The following PIP4K2A variants were observed in gnomAD, a reference collection of about 807,000 sequenced individuals.
PIP4K2A encodes phosphatidylinositol-5-phosphate 4-kinase type 2 alpha, also known as phosphatidylinositol 5-phosphate 4-kinase type-2 alpha.
PIP4K2A carries 14 observed loss-of-function variants against 42.9 expected under a neutral mutation model. That is an observed-to-expected ratio of 0.33 (90% CI 0.22 to 0.51). The LOEUF (loss-of-function observed/expected upper bound fraction) is 0.51. Ranked by LOEUF, PIP4K2A falls within the 20% of genes least tolerant of loss-of-function variation. PIP4K2A has a pLI of 0.97. For synonymous variants in PIP4K2A, 192 were observed against 192.2 expected, an observed-to-expected ratio of 1.00 and a Z score of 0.01; for missense variants, 434 against 519.8, an observed-to-expected ratio of 0.83 and a Z score of 1.61.
At chr10:22,620,231 T>C (rs1838293220) in intron 1 of PIP4K2A, among the ~76,000 whole-genome samples, 1 of 152,258 alleles carries the variant, frequency 6.6e-6, no homozygotes, top group Admixed American at 6.5e-5. Context: ...AATGTAGTCA[T>C]GTTAAAATTC....
At chr10:22,613,833 G>A (rs986151037) in intron 1 of PIP4K2A, among the ~76,000 whole-genome samples, 1 of 152,180 alleles carries the variant, frequency 6.6e-6, no homozygotes, top group African/African-American at 2.4e-5. Context: ...AGGATGGAGG[G>A]TGTTTGCTGG....
At chr10:22,538,139 C>T (rs532024222) in intron 9 of PIP4K2A, among the ~76,000 whole-genome samples, 6 of 152,326 alleles carry the variant, frequency 3.9e-5, no homozygotes, top group East Asian at 1.9e-4. Flanking sequence ...CCATGTTCAC[C>T]GGGGAACTTG....
At chr10:22,647,656 G>A (rs1379271674) in intron 1 of PIP4K2A, among the ~76,000 whole-genome samples, 1 of 152,192 alleles carries the variant, frequency 6.6e-6, no homozygotes, top group Admixed American at 6.5e-5. Context: ...CTCCCAATCA[G>A]CTATCACATC....
chr10:22,662,620 T>A (rs1338267869), intron 1 of PIP4K2A, among the ~76,000 whole-genome samples: 6 of 152,248 alleles, frequency 3.9e-5, no homozygotes, highest in African/African-American at 1.4e-4. Context: ...GCTTAAAAGC[T>A]TATTTGCTGA....
rs578187219 is a variant in PIP4K2A, at chr10:22,544,958, C to T, written c.793-2911G>A. Among the ~76,000 whole-genome samples, 9 of 152,320 alleles carry T rather than the reference C, an allele frequency of 5.9e-5. No individual in the cohort carries two copies. In the South Asian group the frequency reaches 6.2e-4, roughly 11 times the overall value. On this transcript the variant is annotated intron_variant, in intron 7 of 9. Transcript: ENST00000376573. ...CACCGCACACTCCTCCCCAGTGACACGGGGCCTCGCTGCACATTCATTTTG... is the reference window on the plus strand; with the variant it reads ...CACCGCACACTCCTCCCCAGTGACATGGGGCCTCGCTGCACATTCATTTTG...
intron 1 of PIP4K2A, among the ~76,000 whole-genome samples, chr10:22,635,438 A>G (rs906641895): frequency 6.6e-6 from 1 of 152,196 alleles, no homozygotes; most frequent in Non-Finnish European, 1.5e-5. Flanking sequence ...TTTTAAATAA[A>G]AAGAAAAGTT....
At chr10:22,545,212 A>G (rs1167667032) in intron 7 of PIP4K2A, among the ~76,000 whole-genome samples, 1 of 152,248 alleles carries the variant, frequency 6.6e-6, no homozygotes, top group Non-Finnish European at 1.5e-5. Flanking sequence ...ACCAAAGCCA[A>G]ATACAAACAA....
chr10:22,676,457 A>G (rs1839561220), intron 1 of PIP4K2A, among the ~76,000 whole-genome samples: 1 of 152,126 alleles, frequency 6.6e-6, no homozygotes. Flanking sequence ...GCTTGAAGAA[A>G]ATAGCATTTA....
intron 7 of PIP4K2A, among the ~76,000 whole-genome samples, chr10:22,546,987 G>GA (rs1344646299): frequency 6.6e-6 from 1 of 152,108 alleles, no homozygotes; most frequent in African/African-American, 2.4e-5. Context: ...CCACCTGCTG[G>GA]ACCTCACATC....
At chr10:22,645,618 T>C (rs1838863911) in intron 1 of PIP4K2A, among the ~76,000 whole-genome samples, 1 of 148,140 alleles carries the variant, frequency 6.8e-6, no homozygotes, top group East Asian at 2.0e-4. Flanking sequence ...TGAAAACAAG[T>C]AGAATACTGT....
chr10:22,558,117 T>C (rs948360767), intron 6 of PIP4K2A, among the ~76,000 whole-genome samples: 3 of 152,238 alleles, frequency 2.0e-5, no homozygotes, highest in Admixed American at 6.5e-5. Flanking sequence ...GGGTGTCCTT[T>C]TGATACGCTG....
rs150043461 is a variant in PIP4K2A at position 22,710,383 on chromosome 10, A to G, written c.144+3800T>C. ...AACAGGCAAGCGCTGCCATGTTTTT[A>G]TAACTGCTTAGTCCAAGGGACGGCC... On this transcript the variant is annotated intron_variant, in intron 1 of 9. Coordinates refer to ENST00000376573, the MANE Select transcript of PIP4K2A (RefSeq NM_005028.5). Among the ~76,000 whole-genome samples, 498 of 152,368 alleles carry G rather than the reference A, an allele frequency of 3.3e-3. 2 individuals are homozygous for G. The highest frequency in any genetic ancestry group is 0.011 in the African/African-American group (473 of 41,588).
intron 7 of PIP4K2A, among the ~76,000 whole-genome samples, chr10:22,548,832 G>T (rs1478352946): frequency 1.3e-5 from 2 of 151,952 alleles, no homozygotes; most frequent in Non-Finnish European, 2.9e-5. Flanking sequence ...GATTGCTTGA[G>T]GCCAGGAGTT....
chr10:22,556,477 A>T (rs1013502202), intron 6 of PIP4K2A, among the ~76,000 whole-genome samples: 1 of 152,218 alleles, frequency 6.6e-6, no homozygotes, highest in African/African-American at 2.4e-5. Context: ...GTAATAAAGA[A>T]TTTGAAATTT....
intron 3 of PIP4K2A, among the ~76,000 whole-genome samples, chr10:22,604,985 C>T (rs1215879044): frequency 2.0e-5 from 3 of 152,168 alleles, no homozygotes; most frequent in South Asian, 4.1e-4. Flanking sequence ...GCTGTCACAA[C>T]GACCCTCCTT....
In PIP4K2A at chr10:22,542,066, G is replaced by A. The variant is rs752606082; in HGVS notation, c.793-19C>T. The A allele has an allele frequency of 3.8e-6, 6 of 1,589,832 alleles. No individual in the cohort carries two copies. The highest frequency in any genetic ancestry group is 1.7e-4 in the Middle Eastern group (1 of 5,922). On this transcript the variant is annotated intron_variant, in intron 7 of 9. Transcript: ENST00000376573. ...CCAGAAACTGGGGACAGAGGCAACA[G>A]GGTGAGTCAGCCACACCTTAAACAT...
At chr10:22,639,201 G>A (rs887562174) in intron 1 of PIP4K2A, among the ~76,000 whole-genome samples, 12 of 151,982 alleles carry the variant, frequency 7.9e-5, no homozygotes, top group Admixed American at 3.3e-4. Context: ...AAAATCCAAG[G>A]AAGCCAAGAA....
chr10:22,628,037 G>A (rs1277167521), intron 1 of PIP4K2A, among the ~76,000 whole-genome samples: 1 of 152,044 alleles, frequency 6.6e-6, no homozygotes, highest in Non-Finnish European at 1.5e-5. Context: ...CTCATTCCCT[G>A]GGTTATAAAC....
chr10:22,685,959 T>C (rs1013801585), intron 1 of PIP4K2A, among the ~76,000 whole-genome samples: 3 of 152,160 alleles, frequency 2.0e-5, no homozygotes, highest in Non-Finnish European at 4.4e-5. Flanking sequence ...TATATATGAA[T>C]GTGAGTAGAT....
Sources: allele counts gnomAD v4.1 joint callset (sites outside exome capture counted in the v4.1 genomes callset), GRCh38; gene constraint gnomAD v4.1.1; transcripts MANE v1.5; gene names NCBI Gene and HGNC (gene_info 2026-07-23, HGNC 2026-07-21).